Variants in TRIM69 observed in about 807,000 individuals in gnomAD.
TRIM69 encodes the protein tripartite motif containing 69, also known as E3 ubiquitin-protein ligase TRIM69.
Under a neutral mutation model 37.7 loss-of-function variants are expected in TRIM69, and 29 were observed. The ratio of observed to expected loss-of-function variants is 0.77; its 90% CI spans 0.57 to 1.05. TRIM69 has a LOEUF of 1.05. Ranked by LOEUF, TRIM69 falls within the 50% of genes least tolerant of loss-of-function variation. TRIM69 has a pLI of 0.00. For missense variants in TRIM69, 596 were observed against 579.9 expected, an observed-to-expected ratio of 1.03 and a Z score of -0.28; for synonymous variants, 209 against 212.4, an observed-to-expected ratio of 0.98 and a Z score of 0.14.
chr15:44,755,202 T>C lies in TRIM69; in HGVS notation c.309T>C (p.Ile103=). ...TACTGGACAAGTTGGTAGAGAAGATTAAGAAGTTACCCTTACTCAAGGGCC... is the reference window on the plus strand; with the variant it reads ...TACTGGACAAGTTGGTAGAGAAGATCAAGAAGTTACCCTTACTCAAGGGCC... ...NPVLDKLVEK[I]KKLPLLKGHP... Residue 103 remains isoleucine (I), a synonymous_variant, in exon 2 of 7, where the codon ATT becomes ATC. Transcript: ENST00000329464. 1 of 1,614,176 alleles carries C rather than the reference T, an allele frequency of 6.2e-7. No homozygotes were observed. Among genetic ancestry groups the C allele is most frequent in the Non-Finnish European group, 8.5e-7 (1 of 1,180,022 alleles).
In TRIM69 at chr15:44,758,797, T is replaced by C. The variant is rs138709979; in HGVS notation, c.756T>C (p.Asp252=). The C allele has an allele frequency of 6.2e-7, 1 of 1,614,082 alleles. No homozygotes were observed. Among genetic ancestry groups the C allele is most frequent in the African/African-American group, 1.3e-5 (1 of 75,032 alleles). ...QLQEQCLLAK[D]MLVSIQAKTE... Reference sequence around the variant, plus strand: ...AGGAGCAATGTCTCTTAGCCAAGGATATGTTGGTGAGCATTCAGGCAAAGA... The same window carrying C: ...AGGAGCAATGTCTCTTAGCCAAGGACATGTTGGTGAGCATTCAGGCAAAGA... The change falls in exon 4 of 7, where the codon GAT becomes GAC. Residue 252 remains aspartate, a synonymous_variant. Coordinates refer to ENST00000329464, the MANE Select transcript of TRIM69 (RefSeq NM_182985.5).
intron 1 of TRIM69, among the ~76,000 whole-genome samples, chr15:44,745,350 G>C (rs1232121685): frequency 6.6e-6 from 1 of 152,092 alleles, no homozygotes; most frequent in Non-Finnish European, 1.5e-5. Context: ...GAAGAATACA[G>C]ACTTTACAAA....
At chr15:44,739,036 T>A (rs566393711) in intron 1 of TRIM69, among the ~76,000 whole-genome samples, 3 of 152,352 alleles carry the variant, frequency 2.0e-5, no homozygotes, top group African/African-American at 7.2e-5. Flanking sequence ...TATTTTCATA[T>A]CATATAACTC....
Position 44,755,224 on chromosome 15 carries a change from G to T in TRIM69, c.331G>T (p.Gly111Cys), listed in dbSNP as rs199662710. The part of the protein sequence containing the change: ...EKIKKLPLLK[G>C]HPQCPEHGEN... ...GATTAAGAAGTTACCCTTACTCAAGGGCCATCCACAGTGCCCAGAGCATGG... is the reference window on the plus strand; with the variant it reads ...GATTAAGAAGTTACCCTTACTCAAGTGCCATCCACAGTGCCCAGAGCATGG... Residue 111 changes from glycine (G) to cysteine (C), a missense_variant, in exon 2 of 7, where the codon GGC becomes TGC. Physicochemically the swap from Gly to Cys is radical, Grantham distance 159. Coordinates refer to ENST00000329464, the MANE Select transcript of TRIM69 (RefSeq NM_182985.5). 2.4e-5 allele frequency: 39 copies of T among 1,613,978 alleles called. No individual in the cohort carries two copies. The highest frequency in any genetic ancestry group is 3.2e-5 in the Non-Finnish European group (38 of 1,180,022).
chr15:44,767,778 CATA>C lies in TRIM69; in HGVS notation c.*10_*12del, dbSNP rs1189716488. On this transcript the variant is annotated 3_prime_UTR_variant, in exon 7 of 7. Transcript: ENST00000329464. ...ACATCTTACATCCACAGTAATGAGT[CATA>C]ATATTATACAAATTCAGAGTGTTAT... 2 of 1,599,424 alleles carry C rather than the reference CATA, an allele frequency of 1.3e-6. No homozygotes were observed. The highest frequency in any genetic ancestry group is 2.7e-5 in the African/African-American group (2 of 74,502).
chr15:44,763,291 T>C (rs1454822775), intron 6 of TRIM69, among the ~76,000 whole-genome samples: 1 of 152,210 alleles, frequency 6.6e-6, no homozygotes, highest in Non-Finnish European at 1.5e-5. Flanking sequence ...CTATTGCAAT[T>C]TGTTTGATGT....
rs779216834 is a variant in TRIM69, at chr15:44,759,881, G to A, written c.961+9G>A. 8.3e-5 allele frequency: 133 copies of A among 1,606,788 alleles called. No individual in the cohort carries two copies. The highest frequency in any genetic ancestry group is 1.1e-4 in the Non-Finnish European group (128 of 1,174,518). ...GGACACTCTCTGCCCAGGTATCAGT[G>A]GGTAGTAACTATTGGTTCTTGAGGC... On this transcript the variant is annotated intron_variant, in intron 6 of 6. Coordinates refer to ENST00000329464, the MANE Select transcript of TRIM69 (RefSeq NM_182985.5).
chr15:44,765,823 C>T (rs112049154), intron 6 of TRIM69, among the ~76,000 whole-genome samples: 1,641 of 152,084 alleles, frequency 0.011, 35 homozygotes, highest in African/African-American at 0.038. Flanking sequence ...ATTGATTCTG[C>T]TTCCAAGGAT....
intron 1 of TRIM69, among the ~76,000 whole-genome samples, chr15:44,751,210 G>A (rs2087522297): frequency 6.6e-6 from 1 of 151,144 alleles, no homozygotes; most frequent in South Asian, 2.1e-4. Flanking sequence ...CCCCCTCCCA[G>A]GTTCAAGCAA....
intron 1 of TRIM69, among the ~76,000 whole-genome samples, chr15:44,749,866 C>A (rs781464687): frequency 1.4e-4 from 21 of 152,144 alleles, no homozygotes; most frequent in Non-Finnish European, 2.2e-4. Context: ...TACAAGAGTC[C>A]ATTTCTCTGT....
At chr15:44,757,111 G>A (rs1342422984) in intron 3 of TRIM69, 1 of 152,146 alleles carries the variant, frequency 6.6e-6, no homozygotes, top group African/African-American at 2.4e-5. Context: ...AAAATATGCA[G>A]ACTCAGGGAA....
intron 6 of TRIM69, among the ~76,000 whole-genome samples, chr15:44,765,398 T>G (rs2087863616): frequency 6.6e-6 from 1 of 151,926 alleles, no homozygotes; most frequent in Non-Finnish European, 1.5e-5. Context: ...CAACCCAAAG[T>G]GAATGGGGAT....
chr15:44,751,178 C>T (rs946379849), intron 1 of TRIM69, among the ~76,000 whole-genome samples: 13 of 151,082 alleles, frequency 8.6e-5, no homozygotes, highest in Admixed American at 1.3e-4. Flanking sequence ...TACAATGGCA[C>T]GATCTCAGCT....
chr15:44,750,445 T>C (rs1380000621), intron 1 of TRIM69, among the ~76,000 whole-genome samples: 1 of 152,166 alleles, frequency 6.6e-6, no homozygotes, highest in Non-Finnish European at 1.5e-5. Context: ...TGTTCAGATT[T>C]TCTGTTTCTT....
chr15:44,746,070 A>AAGATG (rs145676829), intron 1 of TRIM69, among the ~76,000 whole-genome samples: 1 of 2,064 alleles, frequency 4.8e-4, no homozygotes, highest in Non-Finnish European at 6.8e-3. Flanking sequence ...GAGCCACACC[A>AAGATG]AGTTATAATT....
intron 1 of TRIM69, among the ~76,000 whole-genome samples, chr15:44,752,467 T>G (rs1472050473): frequency 6.6e-6 from 1 of 152,216 alleles, no homozygotes; most frequent in East Asian, 1.9e-4. Context: ...GGTAACTATT[T>G]GTATGGATTG....
chr15:44,741,974 A>G (rs565148489), intron 1 of TRIM69, among the ~76,000 whole-genome samples: 5 of 152,384 alleles, frequency 3.3e-5, no homozygotes, highest in Middle Eastern at 3.4e-3. Context: ...TTATGAGGCC[A>G]GCATTATCCT....
At chr15:44,743,552 C>T (rs1240702172) in intron 1 of TRIM69, among the ~76,000 whole-genome samples, 17 of 152,076 alleles carry the variant, frequency 1.1e-4, no homozygotes, top group African/African-American at 2.4e-4. Context: ...AGAAAATTTT[C>T]GCAACCTACT....
intron 3 of TRIM69, 179 bp downstream of exon 3, chr15:44,756,642 T>A: frequency 1.9e-6 from 1 of 514,970 alleles, no homozygotes; most frequent in Non-Finnish European, 3.5e-6. Context: ...AGTAGGTTCC[T>A]AATAGCTGAT....
Sources: allele counts gnomAD v4.1 joint callset (sites outside exome capture counted in the v4.1 genomes callset), GRCh38; gene constraint gnomAD v4.1.1; transcripts MANE v1.5; gene names NCBI Gene and HGNC (gene_info 2026-07-23, HGNC 2026-07-21).